FLYWCH1: variants seen among roughly 807,000 people sequenced by gnomAD.
FLYWCH1 encodes the protein FLYWCH-type zinc finger 1, also known as FLYWCH-type zinc finger-containing protein 1.
Under a neutral mutation model 66.4 loss-of-function variants are expected in FLYWCH1, and 75 were observed. The observed-to-expected ratio is 1.13, with a 90% CI of 0.94 to 1.37. FLYWCH1 has a LOEUF of 1.37. Among genes scored for constraint, FLYWCH1 ranks in the 40% most tolerant of loss-of-function variants. The pLI is 0.00. For missense variants in FLYWCH1, 1,334 were observed against 1,001.8 expected (o/e 1.33, Z -4.48); for synonymous variants, 595 against 429.9 (o/e 1.38, Z -4.75).
chr16:2,943,359 C>T (rs11561585), intron 9 of FLYWCH1: 42,493 of 151,488 alleles, frequency 0.28, 6,126 homozygotes, highest in Admixed American at 0.3. Flanking sequence ...CCAAATGCAT[C>T]TTCCTGTTAC....
rs537622441 is a variant in FLYWCH1 at position 2,933,875 on chromosome 16, G to A, written c.1409G>A (p.Arg470Gln). 4.7e-5 allele frequency: 75 copies of A among 1,598,678 alleles called. No individual in the cohort carries two copies. The highest frequency in any genetic ancestry group is 1.7e-4 in the Middle Eastern group (1 of 5,736). Residue 470 changes from arginine to glutamine, a missense_variant, in exon 6 of 10, where the codon CGG becomes CAG. Physicochemically the swap from Arg to Gln is conservative, Grantham distance 43. Transcript: ENST00000253928. ...CRSRAITQGRRVTVMRGHCHP... is the reference protein window; with the variant it reads ...CRSRAITQGRQVTVMRGHCHP... ...AGCCGCGCCATCACCCAGGGCCGAC[G>A]GGTGACTGTCATGCGTGGTCACTGC...
intron 8 of FLYWCH1, among the ~76,000 whole-genome samples, 196 bp downstream of exon 8, chr16:2,938,652 G>C (rs896518418): frequency 8.2e-6 from 1 of 122,222 alleles, no homozygotes; most frequent in African/African-American, 3.0e-5. Flanking sequence ...TTGCTCTGTT[G>C]CCCAGGCTGG....
intron 4 of FLYWCH1, 89 bp from the exon 5 acceptor site, chr16:2,933,041 C>G (rs2070826147): frequency 1.7e-6 from 2 of 1,166,244 alleles, no homozygotes; most frequent in South Asian, 1.5e-5. Context: ...AGGAGAAAGG[C>G]TCGTGTCAGC....
chr16:2,940,806 C>T (rs1180036206), intron 9 of FLYWCH1, among the ~76,000 whole-genome samples: 2 of 152,028 alleles, frequency 1.3e-5, no homozygotes, highest in African/African-American at 2.4e-5. Context: ...AGTCCTTTCA[C>T]GGCTGGATAC....
At chr16:2,944,617 G>A (rs2071404118) in intron 9 of FLYWCH1, among the ~76,000 whole-genome samples, 1 of 152,046 alleles carries the variant, frequency 6.6e-6, no homozygotes, top group South Asian at 2.1e-4. Context: ...GAGGTCAGGA[G>A]TTCCAGACCA....
At position 2,933,354 on chromosome 16, in the gene FLYWCH1, C is replaced by A; in HGVS notation, c.1021C>A (p.Arg341=). Residue 341 remains arginine, a synonymous_variant, in exon 5 of 10, where the codon CGG becomes AGG. Coordinates refer to ENST00000253928, the MANE Select transcript of FLYWCH1 (RefSeq NM_001308068.2). Reference sequence around the variant, plus strand: ...GCCCGATATGGAGGGCCTGGAAGCCCGGCGGCAGCAGGAGAAGGCCGTGGA... The same window carrying A: ...GCCCGATATGGAGGGCCTGGAAGCCAGGCGGCAGCAGGAGAAGGCCGTGGA... ...HQPDMEGLEA[R]RQQEKAVETL... is the part of the protein sequence containing the mutation. 6.2e-7 allele frequency: 1 copy of A among 1,604,446 alleles called. No homozygotes were observed. The highest frequency in any genetic ancestry group is 8.5e-7 in the Non-Finnish European group (1 of 1,176,070).
At chr16:2,919,540 A>G (rs2070294308) in intron 2 of FLYWCH1, among the ~76,000 whole-genome samples, 2 of 152,120 alleles carry the variant, frequency 1.3e-5, no homozygotes, top group Non-Finnish European at 2.9e-5. Context: ...CTGGGATTAC[A>G]GGCGTGAGCC....
intron 8 of FLYWCH1, 130 bp downstream of exon 8, chr16:2,938,586 CAG>C (rs2071120856): frequency 2.9e-6 from 2 of 696,928 alleles, no homozygotes; most frequent in Non-Finnish European, 4.2e-6. Flanking sequence ...TTCATATAAA[CAG>C]AATGTGAAAC....
intron 7 of FLYWCH1, 141 bp downstream of exon 7, chr16:2,937,525 G>C (rs887178918): frequency 9.5e-6 from 10 of 1,056,170 alleles, no homozygotes; most frequent in African/African-American, 3.3e-5. Context: ...CCAGGGGCAG[G>C]AGGCTCCATC....
At chr16:2,927,710 TG>T (rs1191092204) in intron 2 of FLYWCH1, among the ~76,000 whole-genome samples, 1 of 152,216 alleles carries the variant, frequency 6.6e-6, no homozygotes, top group Non-Finnish European at 1.5e-5. Flanking sequence ...CTCAGGGTCG[TG>T]GGTTCACGCC....
At chr16:2,914,770 G>A (rs1404344625) in intron 2 of FLYWCH1, among the ~76,000 whole-genome samples, 6 of 151,788 alleles carry the variant, frequency 4.0e-5, no homozygotes, top group African/African-American at 7.3e-5. Flanking sequence ...GCGTGGTGGC[G>A]CACACCTGTA....
intron 9 of FLYWCH1, among the ~76,000 whole-genome samples, chr16:2,943,893 C>T (rs188190952): frequency 1.1e-4 from 17 of 151,434 alleles, no homozygotes; most frequent in Middle Eastern, 3.4e-3. Flanking sequence ...GCCAAGATCA[C>T]GACATTGCAC....
chr16:2,935,560 C>G (rs2060116727), intron 6 of FLYWCH1: 1 of 152,162 alleles, frequency 6.6e-6, no homozygotes, highest in Admixed American at 6.6e-5. Context: ...CCCGTCGTTT[C>G]CTGGGCCGGT....
intron 6 of FLYWCH1, 102 bp downstream of exon 6, chr16:2,934,081 T>G: frequency 7.4e-7 from 1 of 1,349,722 alleles, no homozygotes; most frequent in Non-Finnish European, 9.8e-7. Flanking sequence ...AACGTCCTCT[T>G]CCCTTCTTTG....
chr16:2,944,267 G>A (rs113334261), intron 9 of FLYWCH1, among the ~76,000 whole-genome samples: 2,529 of 151,580 alleles, frequency 0.017, 77 homozygotes, highest in African/African-American at 0.058. Context: ...CAGCGCACCT[G>A]TAATCCCAGC....
chr16:2,932,073 G>T (rs1172850322), intron 4 of FLYWCH1, among the ~76,000 whole-genome samples: 2 of 144,188 alleles, frequency 1.4e-5, no homozygotes, highest in African/African-American at 2.6e-5. Flanking sequence ...GGCCAAGATC[G>T]TGCCACCGCA....
rs758857923 is a variant in FLYWCH1 at position 2,912,039 on chromosome 16, G to C, written c.-303G>C. On this transcript the variant is annotated 5_prime_UTR_variant, in exon 1 of 10. Transcript: ENST00000253928. ...GGTCGGGGCTGGGAGCTGGTGCCCG[G>C]GTCGGGGTGGCGGCGGCGGCCTGGG... 6.6e-6 allele frequency: 1 copy of C among 152,558 alleles called. No individual in the cohort carries two copies. Among genetic ancestry groups the C allele is most frequent in the Non-Finnish European group, 1.5e-5 (1 of 68,174 alleles). The allele number at this position is 152,558 out of a possible 1,614,324, so 9.5% of individuals were successfully genotyped here.
At chr16:2,926,326 A>AT (rs1488145013) in intron 2 of FLYWCH1, among the ~76,000 whole-genome samples, 1 of 152,236 alleles carries the variant, frequency 6.6e-6, no homozygotes, top group Non-Finnish European at 1.5e-5. Context: ...ACAGTATGGA[A>AT]TGATTGGGCC....
intron 2 of FLYWCH1, among the ~76,000 whole-genome samples, chr16:2,919,046 C>G (rs2070274615): frequency 6.6e-6 from 1 of 151,908 alleles, no homozygotes; most frequent in Non-Finnish European, 1.5e-5. Flanking sequence ...AGCAATTCTT[C>G]TGCCTCCACC....
Sources: gnomAD v4.1 joint callset for allele counts (sites outside exome capture counted in the v4.1 genomes callset) on GRCh38, gnomAD v4.1.1 for gene constraint, MANE v1.5 for transcripts, NCBI Gene and HGNC (gene_info 2026-07-23, HGNC 2026-07-21) for gene names.